FAT2: variants seen among roughly 807,000 people sequenced by gnomAD.
FAT2 encodes the protein protocadherin Fat 2.
A neutral mutation model predicts 295.3 loss-of-function variants in FAT2; 150 were observed. The ratio of observed to expected loss-of-function variants is 0.51; its 90% CI spans 0.44 to 0.58. The LOEUF (loss-of-function observed/expected upper bound fraction) is 0.58. Ranked by LOEUF, FAT2 falls within the 20% of genes least tolerant of loss-of-function variation. The probability of loss-of-function intolerance (pLI) is 0.00; values close to 1 mark genes in which losing one functional copy is unlikely to be tolerated. For missense variants in FAT2, 4,868 were observed against 5,442.7 expected (o/e 0.89, Z 3.32); for synonymous variants, 2,026 against 2,150.3 (o/e 0.94, Z 1.60).
intron 19 of FAT2, among the ~76,000 whole-genome samples, chr5:151,520,921 G>A (rs1268897028): frequency 6.6e-6 from 1 of 152,224 alleles, no homozygotes; most frequent in African/African-American, 2.4e-5. Context: ...CAGCAGCCCA[G>A]CTCAAAGGCA....
chr5:151,587,170 A>AC (rs906276970), intron 1 of FAT2, among the ~76,000 whole-genome samples: 63 of 151,956 alleles, frequency 4.1e-4, no homozygotes, highest in African/African-American at 1.1e-3. Context: ...ACAAAACAAA[A>AC]AAAAAACAAA....
rs1335528918 is a variant in FAT2, at chr5:151,585,656, C to T, written c.-21+5509G>A. On this transcript the variant is annotated intron_variant, in intron 1 of 23. Coordinates refer to ENST00000261800, the MANE Select transcript of FAT2 (RefSeq NM_001447.3). ...TATCAGCTGTAACTTACAATTTATG[C>T]ACTCTGTTTTTGAATTTGTCAGACA... 4.6e-5 allele frequency among the ~76,000 whole-genome samples: 7 copies of T among 152,176 alleles called. No homozygotes were observed. In the East Asian group the frequency reaches 1.3e-3, roughly 29 times the overall value.
intron 19 of FAT2, among the ~76,000 whole-genome samples, chr5:151,518,040 GC>G (rs1229629471): frequency 6.6e-6 from 1 of 152,110 alleles, no homozygotes; most frequent in East Asian, 1.9e-4. Flanking sequence ...CATTAAGAAA[GC>G]AAAAGTCATC....
chr5:151,550,197 T>C (rs1216390957), intron 8 of FAT2, among the ~76,000 whole-genome samples: 1 of 152,176 alleles, frequency 6.6e-6, no homozygotes, highest in Non-Finnish European at 1.5e-5. Context: ...GAGTGAGCCC[T>C]CCTTACATTT....
Position 151,543,173 on chromosome 5 carries a change from A to G in FAT2, c.7954T>C (p.Leu2652=), listed in dbSNP as rs771151305. ...VVKVKDSLVG[L]ENQTLDFFIK... is the part of the protein sequence containing the mutation. ...AAGAAGTCAAGGGTCTGATTTTCCAATCCCACCAGGCTGTCTTTCACCTTG... is the reference window on the plus strand; with the variant it reads ...AAGAAGTCAAGGGTCTGATTTTCCAGTCCCACCAGGCTGTCTTTCACCTTG... The change falls in exon 10 of 24, where the codon TTG becomes CTG. Residue 2652 remains leucine, a synonymous_variant. Transcript: ENST00000261800. The G allele has an allele frequency of 4.2e-5, 67 of 1,614,024 alleles. No homozygotes were observed. Among genetic ancestry groups the G allele is most frequent in the East Asian group, 4.0e-4 (18 of 44,892 alleles).
chr5:151,576,504 A>G (rs951091988), intron 1 of FAT2, among the ~76,000 whole-genome samples: 1 of 152,246 alleles, frequency 6.6e-6, no homozygotes, highest in Admixed American at 6.5e-5. Flanking sequence ...ACTATGGTCA[A>G]TAAATTATTG....
At chr5:151,548,728 G>C in intron 9 of FAT2, among the ~76,000 whole-genome samples, 1 of 152,086 alleles carries the variant, frequency 6.6e-6, no homozygotes, top group East Asian at 1.9e-4. Flanking sequence ...TGATCCGCCC[G>C]CCTCGGCCTC....
At position 151,550,625 on chromosome 5, in the gene FAT2, C is replaced by T. The variant is rs2278370; in HGVS notation, c.4543G>A (p.Gly1515Ser). 0.066 allele frequency: 105,765 copies of T among 1,613,996 alleles called. 6,623 individuals carry two copies. Among genetic ancestry groups the T allele is most frequent in the Admixed American group, 0.31 (18,649 of 60,000 alleles). The change falls in exon 8 of 24, where the codon GGC becomes AGC. Residue 1515 changes from glycine to serine, a missense_variant. By Grantham distance (56) the Gly-to-Ser change is moderately conservative. Coordinates refer to ENST00000261800, the MANE Select transcript of FAT2 (RefSeq NM_001447.3). ...VLVTVGKLDL[G>S]SGPSQHTLTV... Reference sequence around the variant, plus strand: ...AGTGTGTGCTGGGAGGGCCCCGAGCCGAGGTCCAATTTTCCCACCGTTACC... The same window carrying T: ...AGTGTGTGCTGGGAGGGCCCCGAGCTGAGGTCCAATTTTCCCACCGTTACC...
rs374159035 is a variant in FAT2 at position 151,529,336 on chromosome 5, A to C, written c.9868T>G (p.Ser3290Ala). The C allele has an allele frequency of 3.0e-5, 49 of 1,614,012 alleles. No individual in the cohort carries two copies. Among genetic ancestry groups the C allele is most frequent in the African/African-American group, 5.3e-5 (4 of 74,916 alleles). ...DFETSPKYFL[S>A]IECSRKSSSS... is the part of the protein sequence containing the mutation. ...GAGCTCTTCCGGCTGCACTCAATGGACAGGAAGTACTTGGGGCTTGTCTCA... is the reference window on the plus strand; with the variant it reads ...GAGCTCTTCCGGCTGCACTCAATGGCCAGGAAGTACTTGGGGCTTGTCTCA... The change falls in exon 15 of 24, where the codon TCC (serine) becomes GCC (alanine). Residue 3290 changes from serine (S) to alanine (A), a missense_variant. Around this residue, in one of 5 missense-constraint regions of FAT2, gnomAD observed 1,046 missense variants for 1,210.1 expected, o/e 0.86. Transcript: ENST00000261800.
At chr5:151,591,383 G>T (rs1181510223), upstream of FAT2, among the ~76,000 whole-genome samples, 1 of 152,190 alleles carries the variant, frequency 6.6e-6, no homozygotes, top group African/African-American at 2.4e-5. Flanking sequence ...AATTGAGGCG[G>T]ATCATCCCCT....
At chr5:151,551,670 A>T in intron 6 of FAT2, 64 bp from the exon 7 acceptor site, 7 of 1,575,776 alleles carry the variant, frequency 4.4e-6, no homozygotes, top group Non-Finnish European at 1.7e-6. Flanking sequence ...AGCATAAGAT[A>T]GGCTTTGGTT....
At chr5:151,554,088 T>G (rs2127629415) in intron 5 of FAT2, among the ~76,000 whole-genome samples, 1 of 152,280 alleles carries the variant, frequency 6.6e-6, no homozygotes, top group South Asian at 2.1e-4. Flanking sequence ...AACCCAGGCT[T>G]ATTGGTTCCA....
In FAT2 at chr5:151,512,106, C is replaced by T; in HGVS notation, c.11905+59G>A. The T allele has an allele frequency of 6.6e-7, 1 of 1,522,914 alleles. No homozygotes were observed. The highest frequency in any genetic ancestry group is 8.9e-7 in the Non-Finnish European group (1 of 1,119,332). 94.3% of individuals were successfully genotyped at this position (1,522,914 alleles called of 1,614,324 possible). On this transcript the variant is annotated intron_variant, in intron 21 of 23. Transcript: ENST00000261800. This position sits in a 1 kb window ranked among gnomAD's most constrained non-coding sequence, Gnocchi z 4.1. ...GAGATCTCCACCCTGACATGCTTTT[C>T]CCACCTGAAGAGCCTTCTGGGATAA... is the stretch of plus-strand genomic sequence containing the variant.
chr5:151,551,440 C>T, intron 7 of FAT2, 27 bp downstream of exon 7: 1 of 1,611,212 alleles, frequency 6.2e-7, no homozygotes, highest in Non-Finnish European at 8.5e-7. Context: ...CCTCTCAATA[C>T]AGGGGTCCCC....
At chr5:151,589,533 C>G (rs1581483090) in intron 1 of FAT2, among the ~76,000 whole-genome samples, 1 of 152,172 alleles carries the variant, frequency 6.6e-6, no homozygotes, top group South Asian at 2.1e-4. Flanking sequence ...AACATTGAGC[C>G]TCTCAAGGTT....
chr5:151,553,305 G>A lies in FAT2; in HGVS notation c.4028C>T (p.Ser1343Phe), dbSNP rs772800453. Residue 1343 changes from serine to phenylalanine, a missense_variant, in exon 6 of 24, where the codon TCC becomes TTC. By Grantham distance (155) the Ser-to-Phe change is radical (BLOSUM62 -2). Coordinates refer to ENST00000261800, the MANE Select transcript of FAT2 (RefSeq NM_001447.3). Reference sequence around the variant, plus strand: ...CTCATCAAAGGCCAGAGGGATGGAGGACGGCCGGGGCCAAGGGATCCACTC... The same window carrying A: ...CTCATCAAAGGCCAGAGGGATGGAGAACGGCCGGGGCCAAGGGATCCACTC... ...HIEWIPWPRP[S>F]SIPLAFDETY... 3 of 1,614,154 alleles carry A rather than the reference G, an allele frequency of 1.9e-6. No individual in the cohort carries two copies. The highest frequency in any genetic ancestry group is 2.5e-6 in the Non-Finnish European group (3 of 1,180,052).
rs1757917623 is a variant in FAT2 at position 151,559,247 on chromosome 5, C to T, written c.3575-2845G>A. 2.0e-5 allele frequency among the ~76,000 whole-genome samples: 3 copies of T among 152,180 alleles called. No homozygotes were observed. The South Asian group carries it at 6.2e-4, about 32-fold the overall frequency. ...TGCAGTTGAACGCAAGTCATTCCGG[C>T]TTTTTCTTCCCTAACTGAAGTTTGG... On this transcript the variant is annotated intron_variant, in intron 3 of 23. Transcript: ENST00000261800.
chr5:151,587,072 G>C (rs574970741), intron 1 of FAT2, among the ~76,000 whole-genome samples: 1 of 151,952 alleles, frequency 6.6e-6, no homozygotes, highest in Non-Finnish European at 1.5e-5. Context: ...AGCCCAGGAG[G>C]TGGAGGTTGC....
rs2127631880 is a variant in FAT2, at chr5:151,554,692, A to G, written c.3634-19T>C. The G allele has an allele frequency of 6.3e-7, 1 of 1,594,024 alleles. No individual in the cohort carries two copies. Among genetic ancestry groups the G allele is most frequent in the Non-Finnish European group, 8.6e-7 (1 of 1,169,482 alleles). Reference sequence around the variant, plus strand: ...CAGTCACCTGGGAGCAGAATTGAGCATGAGCACCTGAGCTGACAATTGCAA... The same window carrying G: ...CAGTCACCTGGGAGCAGAATTGAGCGTGAGCACCTGAGCTGACAATTGCAA... On this transcript the variant is annotated intron_variant, in intron 4 of 23. Coordinates refer to ENST00000261800, the MANE Select transcript of FAT2 (RefSeq NM_001447.3).
Sources: gnomAD v4.1 joint callset for allele counts (sites outside exome capture counted in the v4.1 genomes callset) on GRCh38, gnomAD v4.1.1 for gene constraint, gnomAD v4.1.1 regional missense constraint, Gnocchi (gnomAD v3.1) non-coding constraint, MANE v1.5 for transcripts, NCBI Gene and HGNC (gene_info 2026-07-23, HGNC 2026-07-21) for gene names.